Variants in ZNF254 observed in about 807,000 individuals in gnomAD.
ZNF254 encodes zinc finger protein 254.
A neutral mutation model predicts 12.4 loss-of-function variants in ZNF254; 10 were observed. That is an observed-to-expected ratio of 0.80 (90% confidence interval 0.50 to 1.36). ZNF254 has a LOEUF of 1.36. Ranked by LOEUF, ZNF254 falls within the 40% of genes most tolerant of loss-of-function variation. ZNF254 has a pLI of 0.00. For missense variants in ZNF254, 996 were observed against 763.9 expected (o/e 1.30, Z -3.58); for synonymous variants, 305 against 253.4 (o/e 1.20, Z -1.93).
rs867743710 is a variant in ZNF254, at chr19:24,075,511, C to T, written c.-94+29232C>T. Among the ~76,000 whole-genome samples, 10 of 152,194 alleles carry T rather than the reference C, an allele frequency of 6.6e-5. No individual in the cohort carries two copies. The Middle Eastern group carries it at 0.01, about 155-fold the overall frequency. ...CGCAAAACCAGCAAGTTTTTATTAG[C>T]GATTTTCGAAGGGGAGGGAGTGTAC... On this transcript the variant is annotated intron_variant, in intron 2 of 4. Coordinates refer to the ZNF254 transcript ENST00000613065.
chr19:24,094,220 A>T (rs1224946953), intron 1 of ZNF254, among the ~76,000 whole-genome samples: 2 of 152,140 alleles, frequency 1.3e-5, no homozygotes, highest in East Asian at 3.9e-4. Flanking sequence ...GCAAACAGGG[A>T]TAGTTTGACT....
At chr19:24,034,689 C>T (rs944920596) in intron 1 of ZNF254, among the ~76,000 whole-genome samples, 12 of 151,636 alleles carry the variant, frequency 7.9e-5, no homozygotes, top group South Asian at 2.1e-4. Flanking sequence ...TTTGGCCAGG[C>T]TGTTCTCCAA....
chr19:24,074,700 G>T (rs1350105390), intron 2 of ZNF254, among the ~76,000 whole-genome samples: 1 of 152,176 alleles, frequency 6.6e-6, no homozygotes, highest in African/African-American at 2.4e-5. Flanking sequence ...TGAGGATTGT[G>T]ATGTATCACT....
chr19:24,051,334 AT>A (rs1970638244), intron 2 of ZNF254, among the ~76,000 whole-genome samples: 1 of 151,374 alleles, frequency 6.6e-6, no homozygotes, highest in Non-Finnish European at 1.5e-5. Flanking sequence ...TAATTTTTGT[AT>A]TTTTAGTAGA....
intron 1 of ZNF254, chr19:24,104,242 T>C (rs1488358049): frequency 6.6e-6 from 1 of 152,224 alleles, no homozygotes; most frequent in African/African-American, 2.4e-5. Context: ...CAGCTCATTG[T>C]TCCTGAATCT....
chr19:24,037,014 G>C (rs1462965772), intron 1 of ZNF254, among the ~76,000 whole-genome samples: 2 of 152,186 alleles, frequency 1.3e-5, no homozygotes, highest in Admixed American at 6.5e-5. Flanking sequence ...CCCTGAACCT[G>C]AAGCAGCAAC....
chr19:24,040,775 T>C (rs1599567926), intron 1 of ZNF254, among the ~76,000 whole-genome samples: 2 of 152,348 alleles, frequency 1.3e-5, no homozygotes, highest in Middle Eastern at 3.4e-3. Context: ...TACTACATTC[T>C]CCAGCCTCTG....
At chr19:24,073,484 G>A (rs559110114) in intron 2 of ZNF254, among the ~76,000 whole-genome samples, 5 of 152,266 alleles carry the variant, frequency 3.3e-5, no homozygotes, top group African/African-American at 1.2e-4. Context: ...GACCTCAGAT[G>A]GTACAGAGAG....
At position 24,128,723 on chromosome 19, in the gene ZNF254, CAG is replaced by C. The variant is rs368914961; in HGVS notation, c.*744_*745del. Reference sequence around the variant, plus strand: ...TCCAAAATTAAGTCTATGTAAATATCAGGGAATAATTCACAGTAGAAATATCT... The same window carrying C: ...TCCAAAATTAAGTCTATGTAAATATCGGAATAATTCACAGTAGAAATATCT... On this transcript the variant is annotated 3_prime_UTR_variant, in exon 4 of 4. Coordinates refer to ENST00000357002, the MANE Select transcript of ZNF254 (RefSeq NM_203282.4). 2 of 151,964 alleles carry C rather than the reference CAG, an allele frequency of 1.3e-5. No individual in the cohort carries two copies. The highest frequency in any genetic ancestry group is 2.9e-5 in the Non-Finnish European group (2 of 67,906). 9.4% of individuals were successfully genotyped at this position (151,964 alleles called of 1,614,324 possible).
chr19:24,113,801 A>C (rs1973858723), intron 3 of ZNF254, among the ~76,000 whole-genome samples: 1 of 152,176 alleles, frequency 6.6e-6, no homozygotes, highest in Non-Finnish European at 1.5e-5. Flanking sequence ...GTCTCAACCC[A>C]AAATCTCCTT....
At chr19:24,107,085 A>G (rs1022489212) in intron 3 of ZNF254, 7 of 456,242 alleles carry the variant, frequency 1.5e-5, no homozygotes, top group Non-Finnish European at 2.3e-5. Flanking sequence ...TGCACATTTC[A>G]TCCTGTTTTC....
At chr19:24,042,592 G>A (rs868230418) in intron 1 of ZNF254, among the ~76,000 whole-genome samples, 9 of 152,066 alleles carry the variant, frequency 5.9e-5, no homozygotes, top group East Asian at 3.9e-4. Flanking sequence ...ACATCAGAAG[G>A]GACAGACTCC....
At chr19:24,071,606 C>A (rs1048921947) in intron 2 of ZNF254, among the ~76,000 whole-genome samples, 3 of 152,120 alleles carry the variant, frequency 2.0e-5, no homozygotes, top group Non-Finnish European at 4.4e-5. Flanking sequence ...CTGCATGGAC[C>A]CTTCATTTTT....
At chr19:24,043,341 A>G (rs1172471227) in intron 1 of ZNF254, among the ~76,000 whole-genome samples, 1 of 152,106 alleles carries the variant, frequency 6.6e-6, no homozygotes, top group Non-Finnish European at 1.5e-5. Context: ...AGCTCACTGC[A>G]ACCTTAACCT....
chr19:24,060,593 A>G (rs1478291322), intron 2 of ZNF254, among the ~76,000 whole-genome samples: 2 of 152,132 alleles, frequency 1.3e-5, no homozygotes, highest in Non-Finnish European at 2.9e-5. Context: ...CCTAGATGTT[A>G]TGACTCTCCC....
chr19:24,114,310 G>T (rs1184084853), intron 3 of ZNF254, among the ~76,000 whole-genome samples: 7 of 146,568 alleles, frequency 4.8e-5, no homozygotes, highest in African/African-American at 1.8e-4. Context: ...AAACAGCATG[G>T]TACTGGTACG....
In ZNF254 at chr19:24,116,566, T is replaced by A. The variant is rs1050197764; in HGVS notation, c.254-9688T>A. ...CTCCATCAGCTCCTTTAAGCACTTCTCTATATTGGTTATTCTAGGTATACA... is the reference window on the plus strand; with the variant it reads ...CTCCATCAGCTCCTTTAAGCACTTCACTATATTGGTTATTCTAGGTATACA... On this transcript the variant is annotated intron_variant, in intron 3 of 3. Coordinates refer to ENST00000357002, the MANE Select transcript of ZNF254 (RefSeq NM_203282.4). Among the ~76,000 whole-genome samples, 3 of 152,108 alleles carry A rather than the reference T, an allele frequency of 2.0e-5. No individual in the cohort carries two copies. In the East Asian group the frequency reaches 5.8e-4, roughly 29 times the overall value.
At chr19:24,069,216 G>C (rs935553801) in intron 2 of ZNF254, among the ~76,000 whole-genome samples, 1 of 151,670 alleles carries the variant, frequency 6.6e-6, no homozygotes, top group Admixed American at 6.6e-5. Context: ...ATGTTGGCCA[G>C]GCTGGTCTTG....
At chr19:24,050,623 A>T (rs1970609653) in intron 2 of ZNF254, among the ~76,000 whole-genome samples, 1 of 152,018 alleles carries the variant, frequency 6.6e-6, no homozygotes, top group Non-Finnish European at 1.5e-5. Context: ...TCTTCTGCTG[A>T]CTCGCAGAAG....
Sources: allele counts gnomAD v4.1 joint callset (sites outside exome capture counted in the v4.1 genomes callset), GRCh38; gene constraint gnomAD v4.1.1; transcripts MANE v1.5; gene names NCBI Gene and HGNC (gene_info 2026-07-23, HGNC 2026-07-21).